The following XKR9 variants were observed in gnomAD, a reference collection of about 807,000 sequenced individuals.
XKR9 encodes XK related 9, also known as XK-related protein 9.
In XKR9, 32 loss-of-function variants were observed where a neutral mutation model predicts 32.0. The ratio of observed to expected loss-of-function variants is 1.00; its 90% CI spans 0.76 to 1.34. The LOEUF is 1.34. XKR9 is among the 40% of genes most tolerant of loss of function. XKR9 has a pLI of 0.00. For synonymous variants in XKR9, 168 were observed against 143.4 expected (o/e 1.17, Z -1.22); for missense variants, 546 against 429.7 (o/e 1.27, Z -2.39).
the XKR9 span, among the ~76,000 whole-genome samples, chr8:70,826,357 T>G: frequency 6.6e-6 from 1 of 152,144 alleles, no homozygotes; most frequent in Non-Finnish European, 1.5e-5. Flanking sequence ...AAACATTGAC[T>G]TCTTTTGGTT....
chr8:70,895,257 G>T, the XKR9 span, among the ~76,000 whole-genome samples: 5 of 152,132 alleles, frequency 3.3e-5, no homozygotes, highest in Admixed American at 6.5e-5. Flanking sequence ...TGTTCTCTGT[G>T]TGTCTATCCC....
chr8:70,916,183 C>T, the XKR9 span, among the ~76,000 whole-genome samples: 3 of 152,184 alleles, frequency 2.0e-5, no homozygotes, highest in African/African-American at 7.2e-5. Flanking sequence ...TTTCCCGCTA[C>T]CCTATGAAGG....
chr8:70,950,539 G>C, the XKR9 span, among the ~76,000 whole-genome samples: 1 of 152,158 alleles, frequency 6.6e-6, no homozygotes, highest in South Asian at 2.1e-4. Flanking sequence ...CCATGGGCAG[G>C]TGACAGGACC....
At chr8:71,006,414 C>T in the XKR9 span, among the ~76,000 whole-genome samples, 1 of 152,216 alleles carries the variant, frequency 6.6e-6, no homozygotes, top group South Asian at 2.1e-4. Context: ...CAATGTGGTC[C>T]AGGGAAGCCC....
rs536132833 is a variant in XKR9, at chr8:70,687,220, TGCCTG to T, written c.272+5898_272+5902del. On this transcript the variant is annotated intron_variant, in intron 3 of 4. Transcript: ENST00000408926. ...AGAACATGTGAAATTTGTCTTTCTGTGCCTGGCCTGGCTTTTTTCACTTAACATAA... is the reference window on the plus strand; with the variant it reads ...AGAACATGTGAAATTTGTCTTTCTGTGCCTGGCTTTTTTCACTTAACATAA... Among the ~76,000 whole-genome samples the T allele has an allele frequency of 4.8e-3, 737 of 152,338 alleles. 2 individuals are homozygous for T. The highest frequency in any genetic ancestry group is 8.5e-3 in the Non-Finnish European group (575 of 68,016).
chr8:70,936,680 T>A, the XKR9 span, among the ~76,000 whole-genome samples: 3 of 152,002 alleles, frequency 2.0e-5, no homozygotes, highest in East Asian at 5.8e-4. Flanking sequence ...CTCTTCCTGT[T>A]TAGTCTAAAC....
the XKR9 span, among the ~76,000 whole-genome samples, chr8:70,829,888 G>T: frequency 2.0e-5 from 3 of 151,612 alleles, no homozygotes; most frequent in Non-Finnish European, 4.4e-5. Context: ...CCACACTAGG[G>T]CTTTAATTTT....
the XKR9 span, among the ~76,000 whole-genome samples, chr8:71,015,794 T>C: frequency 6.6e-6 from 1 of 152,238 alleles, no homozygotes; most frequent in Non-Finnish European, 1.5e-5. Context: ...AAAAAACTTT[T>C]GAGTGGCTAT....
At chr8:70,841,072 T>C in the XKR9 span, among the ~76,000 whole-genome samples, 2 of 152,192 alleles carry the variant, frequency 1.3e-5, no homozygotes, top group Admixed American at 6.5e-5. Flanking sequence ...AACAGGCTTT[T>C]GTTTTAATCA....
chr8:70,858,615 A>G, the XKR9 span, among the ~76,000 whole-genome samples: 18 of 152,320 alleles, frequency 1.2e-4, no homozygotes, highest in African/African-American at 4.3e-4. Flanking sequence ...AATTTACTAC[A>G]AAGCTATAGT....
At chr8:70,702,781 C>T (rs573669630) in intron 3 of XKR9, among the ~76,000 whole-genome samples, 53 of 152,254 alleles carry the variant, frequency 3.5e-4, no homozygotes, top group African/African-American at 1.1e-3. Context: ...TTCAAACTAT[C>T]TGAGTCTTTA....
chr8:70,830,417 CAA>C, the XKR9 span, among the ~76,000 whole-genome samples: 8 of 99,822 alleles, frequency 8.0e-5, no homozygotes, highest in Admixed American at 1.1e-4. Context: ...CTTGTCTTTA[CAA>C]AAAAAAAAAA....
the XKR9 span, among the ~76,000 whole-genome samples, chr8:70,995,852 T>C: frequency 6.6e-6 from 1 of 152,298 alleles, no homozygotes; most frequent in East Asian, 1.9e-4. Context: ...ATTTTCCACT[T>C]ATAAAGGCCT....
downstream of XKR9, among the ~76,000 whole-genome samples, chr8:70,740,557 C>A (rs943963231): frequency 7.0e-6 from 1 of 143,106 alleles, no homozygotes; most frequent in Non-Finnish European, 1.6e-5. Flanking sequence ...TTTAGAGTTT[C>A]CAGTTTTTCT....
intron 2 of XKR9, among the ~76,000 whole-genome samples, chr8:70,785,375 T>G (rs1200514458): frequency 2.0e-5 from 3 of 152,114 alleles, no homozygotes; most frequent in East Asian, 3.9e-4. Context: ...ATTTCTGATT[T>G]TATTTATTTG....
the XKR9 span, among the ~76,000 whole-genome samples, chr8:70,911,254 C>A: frequency 6.6e-6 from 1 of 152,248 alleles, no homozygotes; most frequent in East Asian, 1.9e-4. Context: ...AAGGTGCTTG[C>A]CATTATTACT....
downstream of XKR9, among the ~76,000 whole-genome samples, chr8:70,792,027 TCTC>T (rs1010114383): frequency 4.6e-5 from 7 of 152,012 alleles, no homozygotes; most frequent in African/African-American, 1.4e-4. Context: ...ACCACACACT[TCTC>T]CTCTGTCCAA....
the XKR9 span, among the ~76,000 whole-genome samples, chr8:70,832,557 T>G: frequency 4.6e-5 from 7 of 151,952 alleles, no homozygotes; most frequent in Non-Finnish European, 4.4e-5. Context: ...TGTAGCAGGG[T>G]TTTCAACATA....
Position 70,762,441 on chromosome 8 carries a change from C to T in XKR9, n.353-26898C>T, listed in dbSNP as rs550488965. On this transcript the variant is annotated intron_variant and non_coding_transcript_variant, in intron 2 of 3. Transcript: ENST00000520273. ...TACCACCTGAGCTCCACCTTCTGTC[C>T]CATAAGCCACAGCATTAGATTCTCA... Among the ~76,000 whole-genome samples the T allele has an allele frequency of 3.8e-4, 58 of 152,206 alleles. No homozygotes were observed. The East Asian group carries it at 0.01, about 26-fold the overall frequency.
Sources: gnomAD v4.1 joint callset for allele counts (sites outside exome capture counted in the v4.1 genomes callset) on GRCh38, gnomAD v4.1.1 for gene constraint, MANE v1.5 for transcripts, NCBI Gene and HGNC (gene_info 2026-07-23, HGNC 2026-07-21) for gene names.